PPIA: variants seen among roughly 807,000 people sequenced by gnomAD.
PPIA encodes peptidylprolyl isomerase A.
PPIA carries 2 observed loss-of-function variants against 15.3 expected under a neutral mutation model. The ratio of observed to expected loss-of-function variants is 0.13; its 90% CI spans 0.05 to 0.41. PPIA has a LOEUF of 0.41. Ranked by LOEUF, PPIA falls within the 10% of genes least tolerant of loss-of-function variation. The probability of loss-of-function intolerance (pLI) is 0.99; values close to 1 mark genes in which losing one functional copy is unlikely to be tolerated. For missense variants in PPIA, 103 were observed against 210.3 expected, an observed-to-expected ratio of 0.49 and a Z score of 3.16; for synonymous variants, 67 against 73.1, an observed-to-expected ratio of 0.92 and a Z score of 0.43.
chr7:44,798,622 A>C lies in PPIA; in HGVS notation c.70-625A>C. ...TGCTACTTTTAAACAAGCTGTTTTT[A>C]TGAAAGGGCTTGTAAATGTTTATGG... On this transcript the variant is annotated intron_variant, in intron 1 of 4. Coordinates refer to ENST00000468812, the MANE Select transcript of PPIA (RefSeq NM_021130.5). 5.3e-6 allele frequency: 3 copies of C among 566,132 alleles called. No individual in the cohort carries two copies. The South Asian group carries it at 2.3e-4, about 44-fold the overall frequency. 35.1% of individuals were successfully genotyped at this position (566,132 alleles called of 1,614,324 possible).
intron 1 of PPIA, among the ~76,000 whole-genome samples, chr7:44,797,629 A>G (rs1157217335): frequency 6.6e-6 from 1 of 152,210 alleles, no homozygotes. Context: ...AAGGTGGATT[A>G]CCAGTGATTA....
rs1363300481 is a variant in PPIA at position 44,801,803 on chromosome 7, C to G, written c.*381C>G. On this transcript the variant is annotated 3_prime_UTR_variant, in exon 5 of 5. Coordinates refer to ENST00000468812, the MANE Select transcript of PPIA (RefSeq NM_021130.5). ...GGAATATTGAAAATGTAGGCAGCAA[C>G]TGGGCATGGTGGCTCACTGTCTGTA... The G allele has an allele frequency of 2.4e-5, 5 of 207,730 alleles. No individual in the cohort carries two copies. Among genetic ancestry groups the G allele is most frequent in the Non-Finnish European group, 3.9e-5 (4 of 102,946 alleles). The allele number at this position is 207,730 out of a possible 1,614,324, so 12.9% of individuals were successfully genotyped here.
intron 2 of PPIA, 49 bp from the exon 3 acceptor site, chr7:44,799,343 A>G (rs760045882): frequency 2.3e-5 from 36 of 1,599,884 alleles, no homozygotes; most frequent in African/African-American, 6.7e-5. Context: ...GTGTGTGTAT[A>G]TATATATTTT....
At chr7:44,800,409 T>TC in intron 4 of PPIA, 1 of 154,660 alleles carries the variant, frequency 6.5e-6, no homozygotes, top group African/African-American at 2.5e-5. Context: ...TTTTTTTTTT[T>TC]TTTTCTTTTC....
rs1792380668 is a variant in PPIA at position 44,796,810 on chromosome 7, C to T, written c.69+17C>T. 6.3e-7 allele frequency: 1 copy of T among 1,595,762 alleles called. No homozygotes were observed. ...TCCTTTGAGGTCGGGCGGGCGGCGG[C>T]GTGCGGGAATGGGGCCCAGAAAGTG... On this transcript the variant is annotated intron_variant, in intron 1 of 4. Coordinates refer to ENST00000468812, the MANE Select transcript of PPIA (RefSeq NM_021130.5).
chr7:44,801,112 C>T (rs1583693128), intron 4 of PPIA, among the ~76,000 whole-genome samples, 175 bp from the exon 5 acceptor site: 1 of 151,844 alleles, frequency 6.6e-6, no homozygotes, highest in Non-Finnish European at 1.5e-5. Context: ...CCACCGCACC[C>T]GGCCTATATG....
intron 1 of PPIA, chr7:44,798,856 TTACC>T (rs1792460316): frequency 9.9e-7 from 1 of 1,012,712 alleles, no homozygotes; most frequent in South Asian, 4.2e-5. Context: ...GAACAGCTGT[TTACC>T]CCTGATCGTG....
Position 44,801,819 on chromosome 7 carries a change from ACTGT to A in PPIA, c.*402_*405del, listed in dbSNP as rs1414815085. On this transcript the variant is annotated 3_prime_UTR_variant, in exon 5 of 5. Transcript: ENST00000468812. ...AGGCAGCAACTGGGCATGGTGGCTC[ACTGT>A]CTGTAATGTATTACCTGAGGCAGAA... 14 of 202,644 alleles carry A rather than the reference ACTGT, an allele frequency of 6.9e-5. No homozygotes were observed. The highest frequency in any genetic ancestry group is 2.2e-4 in the Admixed American group (4 of 18,240). The allele number at this position is 202,644 out of a possible 1,614,324, so 12.6% of individuals were successfully genotyped here. A position where few individuals can be genotyped will look rare whatever the true frequency, so the allele number is the denominator to read the frequency against.
At chr7:44,800,686 C>A (rs1467399109) in intron 4 of PPIA, 1 of 154,732 alleles carries the variant, frequency 6.5e-6, no homozygotes, top group Non-Finnish European at 1.4e-5. Flanking sequence ...AGGCATGAGC[C>A]ACTGTGCCCA....
intron 4 of PPIA, chr7:44,800,397 GCTTTTT>G (rs1792512394): frequency 1.1e-5 from 1 of 90,948 alleles, no homozygotes; most frequent in Non-Finnish European, 2.9e-5. Context: ...CCAATTAAGT[GCTTTTT>G]TTTTTTTTTT....
intron 1 of PPIA, chr7:44,798,778 C>G (rs1027345634): frequency 2.0e-6 from 2 of 988,772 alleles, no homozygotes; most frequent in African/African-American, 3.5e-5. Flanking sequence ...GAAGTGACTG[C>G]TCATCTAATC....
At position 44,801,733 on chromosome 7, in the gene PPIA, T is replaced by G. The variant is rs1369598395; in HGVS notation, c.*311T>G. The G allele has an allele frequency of 6.0e-6, 1 of 165,512 alleles. No homozygotes were observed. Among genetic ancestry groups the G allele is most frequent in the Non-Finnish European group, 9.6e-6 (1 of 104,566 alleles). The allele number at this position is 165,512 out of a possible 1,614,324, so 10.3% of individuals were successfully genotyped here. A position where few individuals can be genotyped will look rare whatever the true frequency, so the allele number is the denominator to read the frequency against. On this transcript the variant is annotated 3_prime_UTR_variant, in exon 5 of 5. Transcript: ENST00000468812. Reference sequence around the variant, plus strand: ...TGCTTAATTCTACACAGTACTTAGATTTTTTTTACTTTCCAGTCCCAGGAA... The same window carrying G: ...TGCTTAATTCTACACAGTACTTAGAGTTTTTTTACTTTCCAGTCCCAGGAA...
chr7:44,801,795 G>C lies in PPIA; in HGVS notation c.*373G>C, dbSNP rs1792570498. ...TGTTGAGTGGAATATTGAAAATGTAGGCAGCAACTGGGCATGGTGGCTCAC... is the reference window on the plus strand; with the variant it reads ...TGTTGAGTGGAATATTGAAAATGTACGCAGCAACTGGGCATGGTGGCTCAC... On this transcript the variant is annotated 3_prime_UTR_variant, in exon 5 of 5. Transcript: ENST00000468812. The C allele has an allele frequency of 4.9e-6, 1 of 203,092 alleles. No individual in the cohort carries two copies. The highest frequency in any genetic ancestry group is 1.0e-5 in the Non-Finnish European group (1 of 100,154). 12.6% of individuals were successfully genotyped at this position (203,092 alleles called of 1,614,324 possible).
chr7:44,799,327 GT>G (rs778644034), intron 2 of PPIA, 50 bp downstream of exon 2: 2 of 1,531,010 alleles, frequency 1.3e-6, no homozygotes, highest in African/African-American at 2.8e-5. Context: ...GTGACAGTTT[GT>G]GTGTGTGTGT....
chr7:44,799,549 C>G, intron 3 of PPIA, 69 bp downstream of exon 3: 2 of 1,576,094 alleles, frequency 1.3e-6, no homozygotes, highest in Non-Finnish European at 1.7e-6. Flanking sequence ...CAGAATATTT[C>G]AGGATACACA....
At chr7:44,800,095 G>T (rs1296743431) in intron 4 of PPIA, 1 of 563,426 alleles carries the variant, frequency 1.8e-6, no homozygotes, top group Non-Finnish European at 3.1e-6. Flanking sequence ...GTTGAATTAG[G>T]TGCTACTTTT....
rs549931742 is a variant in PPIA, at chr7:44,801,019, G to A, written c.363-268G>A. On this transcript the variant is annotated intron_variant, in intron 4 of 4. Coordinates refer to ENST00000468812, the MANE Select transcript of PPIA (RefSeq NM_021130.5). The stretch of plus-strand genomic sequence containing the variant: ...TTTTTAGTAGAGACAGGGTTTCACC[G>A]TGTTAGCCAGGATGGTCTCGATCTC... Among the ~76,000 whole-genome samples, 21 of 151,734 alleles carry A rather than the reference G, an allele frequency of 1.4e-4. No homozygotes were observed. The East Asian group carries it at 2.7e-3, about 20-fold the overall frequency.
Position 44,796,734 on chromosome 7 carries a change from C to A in PPIA, c.10C>A (p.Pro4Thr). 6.2e-7 allele frequency: 1 copy of A among 1,610,592 alleles called. No homozygotes were observed. Among genetic ancestry groups the A allele is most frequent in the Non-Finnish European group, 8.5e-7 (1 of 1,178,944 alleles). The change falls in exon 1 of 5, where the codon CCC becomes ACC. Residue 4 changes from proline (P) to threonine (T), a missense_variant. By Grantham distance (38) the Pro-to-Thr change is conservative (BLOSUM62 -1). Coordinates refer to ENST00000468812, the MANE Select transcript of PPIA (RefSeq NM_021130.5). The stretch of plus-strand genomic sequence containing the variant: ...CCGTGTACTATTAGCCATGGTCAAC[C>A]CCACCGTGTTCTTCGACATTGCCGT... MVN[P>T]TVFFDIAVDG...
At chr7:44,799,180 C>A in intron 1 of PPIA, 67 bp from the exon 2 acceptor site, 1 of 1,496,008 alleles carries the variant, frequency 6.7e-7, no homozygotes, top group Non-Finnish European at 9.2e-7. Context: ...ACTCAGAAGC[C>A]CCTAAAGACA....
Sources: gnomAD v4.1 joint callset for allele counts (sites outside exome capture counted in the v4.1 genomes callset) on GRCh38, gnomAD v4.1.1 for gene constraint, MANE v1.5 for transcripts, NCBI Gene and HGNC (gene_info 2026-07-23, HGNC 2026-07-21) for gene names.